The following HELZ2 variants were observed in gnomAD, a reference collection of about 807,000 sequenced individuals.
HELZ2 encodes the protein 3'-5' exoribonuclease HELZ2.
Under a neutral mutation model 208.8 loss-of-function variants are expected in HELZ2, and 143 were observed. That is an observed-to-expected ratio of 0.68 (90% CI 0.60 to 0.79). The LOEUF is 0.79. Ranked by LOEUF, HELZ2 falls within the 30% of genes least tolerant of loss-of-function variation. HELZ2 has a pLI of 0.00. For synonymous variants in HELZ2, 1,705 were observed against 1,693.7 expected (o/e 1.01, Z -0.16); for missense variants, 3,690 against 3,794.5 (o/e 0.97, Z 0.72).
chr20:63,567,325 A>G, exon 6 of HELZ2: 1 of 1,608,506 alleles, frequency 6.2e-7, no homozygotes, highest in Non-Finnish European at 8.5e-7. Context: ...CAGCGGGGTG[A>G]GGGCCTCGCA....
At chr20:63,566,077 G>A (rs771523940) in exon 8 of HELZ2, 98 of 1,586,870 alleles carry the variant, frequency 6.2e-5, no homozygotes, top group Middle Eastern at 1.7e-4. Context: ...AGAGGGCCAC[G>A]GCGTCCCCCA....
Position 63,565,050 on chromosome 20 carries a change from C to T in HELZ2, c.3772G>A (p.Glu1258Lys), listed in dbSNP as rs759888315. The T allele has an allele frequency of 1.0e-5, 16 of 1,562,360 alleles. No homozygotes were observed. Among genetic ancestry groups the T allele is most frequent in the Middle Eastern group, 1.7e-4 (1 of 6,020 alleles). ...CAGAAGAGCCGGCTGTGCCGGGCCT[C>T]GGCGGTGAGCCTCTCAAGCCCCACA... The change falls in exon 8 of 19, where the codon GAG becomes AAG. Residue 1258 changes from glutamate (E) to lysine (K), a missense_variant. By Grantham distance (56) the Glu-to-Lys change is moderately conservative (BLOSUM62 1). Coordinates refer to ENST00000467148, the Ensembl canonical transcript of HELZ2.
chr20:63,562,221 C>T lies in HELZ2; in HGVS notation c.6398-18G>A. 3.7e-6 allele frequency: 6 copies of T among 1,611,240 alleles called. No homozygotes were observed. The highest frequency in any genetic ancestry group is 5.1e-6 in the Non-Finnish European group (6 of 1,179,382). ...GGGGATCACTGAGAGGGGGCAGCCT[C>T]CCTGAGCACTCATGCAGGGTGGGGC... On this transcript the variant is annotated intron_variant, in intron 9 of 18. Transcript: ENST00000467148.
chr20:63,563,946 C>T (rs1186567004), exon 8 of HELZ2: 2 of 1,594,598 alleles, frequency 1.3e-6, no homozygotes, highest in African/African-American at 1.3e-5. Flanking sequence ...GGGTGCATGT[C>T]GTCCGTGGTG....
downstream of HELZ2, chr20:63,559,106 C>G (rs45515601): frequency 0.11 from 104,532 of 965,846 alleles, 6,338 homozygotes; most frequent in Non-Finnish European, 0.13. Context: ...TCCAAGTCCA[C>G]CCACTTCCTG....
chr20:63,567,703 C>A lies in HELZ2; in HGVS notation c.1731-76G>T. 2.0e-6 allele frequency: 3 copies of A among 1,508,522 alleles called. No homozygotes were observed. In the African/African-American group the frequency reaches 4.1e-5, roughly 21 times the overall value. 93.4% of individuals were successfully genotyped at this position (1,508,522 alleles called of 1,614,324 possible). On this transcript the variant is annotated intron_variant, in intron 5 of 18. Transcript: ENST00000467148. ...GTCCGCTAAAGCACCTACTGTGTGC[C>A]CAGCCGAGCTGCCCCTGAGCACAGC...
upstream of HELZ2, chr20:63,572,522 C>T (rs571265918): frequency 4.8e-5 from 46 of 961,226 alleles, no homozygotes; most frequent in East Asian, 3.3e-4. Flanking sequence ...TTGCTTGCGG[C>T]GGCCCTCGGC....
exon 5 of HELZ2, chr20:63,568,792 C>T: frequency 6.2e-7 from 1 of 1,611,734 alleles, no homozygotes; most frequent in African/African-American, 1.3e-5. Flanking sequence ...CCAGCCGCAC[C>T]TCGAACACCG....
chr20:63,562,940 T>C (rs2082905842), exon 8 of HELZ2: 1 of 1,592,186 alleles, frequency 6.3e-7, no homozygotes, highest in African/African-American at 1.3e-5. Flanking sequence ...GACGGAGTCA[T>C]TCTCGGCAAC....
exon 6 of HELZ2, chr20:63,567,490 A>G: frequency 1.3e-6 from 2 of 1,556,750 alleles, no homozygotes; most frequent in South Asian, 2.4e-5. Context: ...GTCGTCGGTC[A>G]GGCAACAGTA....
exon 6 of HELZ2, chr20:63,566,903 G>T (rs745817266): frequency 1.9e-6 from 3 of 1,608,958 alleles, no homozygotes. Context: ...CAGCAGCTGG[G>T]CCAGGTGTTG....
At chr20:63,565,361 G>T in exon 8 of HELZ2, 1 of 1,607,030 alleles carries the variant, frequency 6.2e-7, no homozygotes. Flanking sequence ...GACCTGGATG[G>T]GGCCCGAGGA....
chr20:63,559,256 A>G lies in HELZ2; in HGVS notation c.7940T>C (p.Met2647Thr), dbSNP rs749265010. ...GGTGGAGAGGGCTCTTCAGGAAGGC[A>G]TAGTTGGCCTCCTGCAGACGCGCAC... The change falls in exon 19 of 19, where the codon ATG (methionine) becomes ACG (threonine). Residue 2647 changes from methionine (M) to threonine (T), a missense_variant. Met to Thr is a moderately conservative substitution (Grantham distance 81). Coordinates refer to ENST00000467148, the Ensembl canonical transcript of HELZ2. The G allele has an allele frequency of 8.9e-6, 14 of 1,567,456 alleles. No homozygotes were observed. The East Asian group carries it at 3.2e-4, about 36-fold the overall frequency.
chr20:63,569,151 G>C, exon 4 of HELZ2: 3 of 1,557,162 alleles, frequency 1.9e-6, no homozygotes, highest in Non-Finnish European at 2.6e-6. Flanking sequence ...AGCTCACTTG[G>C]CCACCAGCTG....
At chr20:63,564,202 C>T (rs1165099016) in exon 8 of HELZ2, 1 of 1,611,640 alleles carries the variant, frequency 6.2e-7, no homozygotes, top group African/African-American at 1.3e-5. Context: ...CGCTGCCCAC[C>T]AGGAACTCAG....
At position 63,568,633 on chromosome 20, in the gene HELZ2, C is replaced by CA; in HGVS notation, c.1454dup (p.Asp486GlyfsTer5). On this transcript the variant is annotated frameshift_variant, in exon 5 of 19. Coordinates refer to ENST00000467148, the Ensembl canonical transcript of HELZ2. LOFTEE classifies it high-confidence loss of function. ...CCAGCTGCTCCTCAGGCAGTGTGTCCACTGCCTGGTGCCAGAGGCGGAAGG... is the reference window on the plus strand; with the variant it reads ...CCAGCTGCTCCTCAGGCAGTGTGTCCAACTGCCTGGTGCCAGAGGCGGAAGG... 6.2e-7 allele frequency: 1 copy of CA among 1,603,344 alleles called. No individual in the cohort carries two copies. The highest frequency in any genetic ancestry group is 8.5e-7 in the Non-Finnish European group (1 of 1,178,486).
chr20:63,564,413 C>G lies in HELZ2; in HGVS notation c.4409G>C (p.Gly1470Ala). 3.9e-6 allele frequency: 6 copies of G among 1,546,056 alleles called. 1 individual carries two copies. The South Asian group carries it at 5.9e-5, about 15-fold the overall frequency. Residue 1470 changes from glycine (G) to alanine (A), a missense_variant, in exon 8 of 19, where the codon GGT (glycine) becomes GCT (alanine). Around this residue, in one of 3 missense-constraint regions of HELZ2, gnomAD observed 2,564 missense variants for 2,580.5 expected, o/e 0.99. Coordinates refer to ENST00000467148, the Ensembl canonical transcript of HELZ2. ...GCGGGCCGGCAGCTCACGGCCGGCA[C>G]CCGGGTGCTGCCTGATCACCTCCTC...
chr20:63,572,633 G>T, upstream of HELZ2: 1 of 490,552 alleles, frequency 2.0e-6, no homozygotes, highest in Non-Finnish European at 3.6e-6. Flanking sequence ...GAAGCAGAGG[G>T]AGCAAAGCAG....
In HELZ2 at chr20:63,561,064, C is replaced by A; in HGVS notation, c.7146+18G>T. 6.2e-7 allele frequency: 1 copy of A among 1,604,898 alleles called. No homozygotes were observed. Among genetic ancestry groups the A allele is most frequent in the Non-Finnish European group, 8.5e-7 (1 of 1,174,902 alleles). ...CAGGGACGCCTGCTCATGCTGCCCA[C>A]ACCCCCCGCCGACCAACCTTCTCGG... On this transcript the variant is annotated intron_variant, in intron 14 of 18. Transcript: ENST00000467148.
Sources: allele counts gnomAD v4.1 joint callset, GRCh38; gene constraint gnomAD v4.1.1; regional missense constraint gnomAD v4.1.1; transcripts MANE v1.5; gene names NCBI Gene and HGNC (gene_info 2026-07-23, HGNC 2026-07-21).